The following TENM1 variants were observed in gnomAD, a reference collection of about 807,000 sequenced individuals.
TENM1 encodes the protein teneurin-1.
In TENM1, 35 loss-of-function variants were observed where a neutral mutation model predicts 174.8. The observed-to-expected ratio is 0.20, with a 90% CI of 0.15 to 0.27. TENM1 has a LOEUF of 0.27. Ranked by LOEUF, TENM1 falls within the 10% of genes least tolerant of loss-of-function variation. The pLI, the probability that TENM1 is intolerant of heterozygous loss-of-function variation, is 1.00. For synonymous variants in TENM1, 781 were observed against 798.7 expected (o/e 0.98, Z 0.37); for missense variants, 1,633 against 2,130.1 (o/e 0.77, Z 4.59).
At chrX:125,197,763 TC>T in the TENM1 span, among the ~76,000 whole-genome samples, 44 of 112,105 alleles carry the variant, frequency 3.9e-4, no homozygotes, top group Non-Finnish European at 7.5e-4. Flanking sequence ...ACTGCTTCAT[TC>T]TATCATTAAT....
chrX:124,991,614 T>C, the TENM1 span, among the ~76,000 whole-genome samples: 138 of 110,156 alleles, frequency 1.3e-3, no homozygotes, highest in African/African-American at 4.4e-3. Context: ...CAAATGATGA[T>C]GCAAAAAAGG....
chrX:125,108,380 C>A, the TENM1 span, among the ~76,000 whole-genome samples: 6 of 111,664 alleles, frequency 5.4e-5, no homozygotes, highest in Admixed American at 5.7e-4. Flanking sequence ...AGTTTCCTCA[C>A]TTATTAAATA....
At chrX:124,814,300 T>G (rs1248087958) in intron 3 of TENM1, among the ~76,000 whole-genome samples, 1 of 111,323 alleles carries the variant, frequency 9.0e-6, no homozygotes, top group East Asian at 2.8e-4. Context: ...TGATACAGAG[T>G]GCTCCATGAG....
intron 25 of TENM1, among the ~76,000 whole-genome samples, chrX:124,416,675 T>A (rs2060597252): frequency 8.9e-6 from 1 of 111,755 alleles, no homozygotes; most frequent in African/African-American, 3.3e-5. Context: ...ATCTTACTTA[T>A]CAGGAGTATT....
chrX:124,967,651 T>A (rs1018460686), upstream of TENM1, among the ~76,000 whole-genome samples: 1 of 111,721 alleles, frequency 9.0e-6, no homozygotes, highest in Non-Finnish European at 1.9e-5. Context: ...AATGGCCACA[T>A]TAGTAGTTCA....
the TENM1 span, among the ~76,000 whole-genome samples, chrX:125,038,108 C>G: frequency 0.051 from 5,698 of 111,203 alleles, 111 homozygotes; most frequent in Middle Eastern, 0.073. Context: ...ATTCCAGGCA[C>G]TCCAGTAGAT....
At chrX:124,809,879 A>AGAGAGAGAGAGAGAG (rs397763324) in intron 3 of TENM1, among the ~76,000 whole-genome samples, 8 of 105,533 alleles carry the variant, frequency 7.6e-5, no homozygotes, top group African/African-American at 2.4e-4. Context: ...AGAGAGAGAG[A>AGAGAGAGAGAGAGAG]AGCAGGAAGC....
At chrX:124,623,149 G>A (rs778846024) in intron 11 of TENM1, among the ~76,000 whole-genome samples, 1 of 112,132 alleles carries the variant, frequency 8.9e-6, no homozygotes, top group Non-Finnish European at 1.9e-5. Context: ...CAATCTGTTA[G>A]TGTGTCAATT....
chrX:124,629,270 C>A (rs756353168), intron 11 of TENM1, among the ~76,000 whole-genome samples: 1 of 112,170 alleles, frequency 8.9e-6, no homozygotes, highest in Non-Finnish European at 1.9e-5. Context: ...TGTTAACTGA[C>A]TTTCCAGTAA....
intron 1 of TENM1, 57 bp downstream of exon 4, chrX:124,963,480 C>T: frequency 9.5e-7 from 1 of 1,049,741 alleles, no homozygotes; most frequent in Non-Finnish European, 1.3e-6. Context: ...AGTTTATGCA[C>T]ACAAGCATTC....
the TENM1 span, among the ~76,000 whole-genome samples, chrX:125,004,012 G>T: frequency 9.0e-6 from 1 of 111,610 alleles, no homozygotes; most frequent in African/African-American, 3.3e-5. Context: ...ATCAATAATA[G>T]AATTCCTGTT....
intron 23 of TENM1, among the ~76,000 whole-genome samples, chrX:124,434,845 G>C (rs1474215902): frequency 2.7e-5 from 3 of 111,986 alleles, no homozygotes; most frequent in Admixed American, 1.9e-4. Context: ...TTGTATCTCT[G>C]TTTCTCGGGT....
At chrX:125,184,806 GA>G in the TENM1 span, among the ~76,000 whole-genome samples, 2 of 110,695 alleles carry the variant, frequency 1.8e-5, no homozygotes, top group Non-Finnish European at 3.8e-5. Flanking sequence ...GTAGCAAAGG[GA>G]AAAAAAATCA....
intron 11 of TENM1, among the ~76,000 whole-genome samples, chrX:124,592,434 GTTT>G (rs751493445): frequency 0.018 from 1,572 of 85,359 alleles, 12 homozygotes; most frequent in Admixed American, 0.03. Context: ...AATATTATTG[GTTT>G]TTTTTTTTTT....
chrX:124,935,442 C>T (rs2058230622), intron 1 of TENM1, among the ~76,000 whole-genome samples: 2 of 111,715 alleles, frequency 1.8e-5, no homozygotes, highest in Admixed American at 1.9e-4. Context: ...TTCCCCGACC[C>T]TTCTAACCCC....
At chrX:124,657,191 A>G (rs891094018) in intron 6 of TENM1, among the ~76,000 whole-genome samples, 2 of 112,091 alleles carry the variant, frequency 1.8e-5, no homozygotes, top group Non-Finnish European at 3.8e-5. Context: ...TTCTCCAGTT[A>G]TAGAACACTT....
intron 3 of TENM1, among the ~76,000 whole-genome samples, chrX:124,819,669 G>C (rs902107288): frequency 1.8e-5 from 2 of 111,340 alleles, no homozygotes; most frequent in Non-Finnish European, 3.8e-5. Flanking sequence ...CCCTTCTTTA[G>C]CTACTGCTAA....
intron 4 of TENM1, among the ~76,000 whole-genome samples, chrX:124,725,966 A>T (rs943576558): frequency 4.4e-5 from 5 of 112,373 alleles, no homozygotes; most frequent in Non-Finnish European, 9.4e-5. Flanking sequence ...TCTCTTGTTC[A>T]AAACCATACA....
chrX:125,021,509 T>C, the TENM1 span, among the ~76,000 whole-genome samples: 538 of 111,786 alleles, frequency 4.8e-3, 1 homozygote, highest in African/African-American at 0.017. Context: ...TTTGTACTTA[T>C]ATAGCACTGT....
Sources: gnomAD v4.1 joint callset for allele counts (sites outside exome capture counted in the v4.1 genomes callset) on GRCh38, gnomAD v4.1.1 for gene constraint, MANE v1.5 for transcripts, NCBI Gene and HGNC (gene_info 2026-07-23, HGNC 2026-07-21) for gene names.